TRABD2A: variants seen among roughly 807,000 people sequenced by gnomAD.
TRABD2A encodes the protein metalloprotease TIKI1.
In TRABD2A, 43 loss-of-function variants were observed where a neutral mutation model predicts 45.6. The ratio of observed to expected loss-of-function variants is 0.94; its 90% confidence interval spans 0.74 to 1.22. TRABD2A has a LOEUF of 1.22. Ranked by LOEUF, TRABD2A falls within the 50% of genes most tolerant of loss-of-function variation. The probability of loss-of-function intolerance (pLI) is 0.00; values close to 1 mark genes in which losing one functional copy is unlikely to be tolerated. For synonymous variants in TRABD2A, 269 were observed against 265.0 expected, an observed-to-expected ratio of 1.02 and a Z score of -0.15; for missense variants, 642 against 652.4, an observed-to-expected ratio of 0.98 and a Z score of 0.17.
intron 1 of TRABD2A, among the ~76,000 whole-genome samples, chr2:84,877,746 A>G (rs1192545871): frequency 6.6e-6 from 1 of 152,220 alleles, no homozygotes. Context: ...TGACAACTGC[A>G]TATTGCAAGC....
intron 5 of TRABD2A, among the ~76,000 whole-genome samples, chr2:84,827,368 G>A (rs1485782292): frequency 6.6e-6 from 1 of 152,204 alleles, no homozygotes; most frequent in Non-Finnish European, 1.5e-5. Flanking sequence ...CTGAGCCTCT[G>A]CCCCTTGCAT....
rs1407974737 is a variant in TRABD2A, at chr2:84,880,963, GGCGCCCC to G, written c.70_76del (p.Gly24ProfsTer15). Reference sequence around the variant, plus strand: ...CTTGAGCTCGCAGTTGGCGGTGCCGGGCGCCCCGCGCCGCGAAGCTGCGCCCGTGGGC... The same window carrying G: ...CTTGAGCTCGCAGTTGGCGGTGCCGGGCGCCGCGAAGCTGCGCCCGTGGGC... On this transcript the variant is annotated frameshift_variant, in exon 1 of 7. Coordinates refer to ENST00000409520, the MANE Select transcript of TRABD2A (RefSeq NM_001277053.2). LOFTEE classifies it high-confidence loss of function. 6.7e-5 allele frequency: 107 copies of G among 1,600,056 alleles called. 1 individual carries two copies. In the Admixed American group the frequency reaches 1.6e-3, roughly 24 times the overall value.
intron 2 of TRABD2A, among the ~76,000 whole-genome samples, chr2:84,845,950 CT>C (rs113239657): frequency 3.9e-4 from 59 of 152,164 alleles, no homozygotes; most frequent in African/African-American, 1.3e-3. Context: ...GAAAGGAGGT[CT>C]AGTGTATCAT....
At chr2:84,829,785 C>T (rs907269397) in intron 5 of TRABD2A, among the ~76,000 whole-genome samples, 23 of 151,266 alleles carry the variant, frequency 1.5e-4, no homozygotes, top group Non-Finnish European at 2.4e-4. Flanking sequence ...ACACCACACA[C>T]ACCCCACATA....
chr2:84,872,114 G>C (rs1682886519), intron 1 of TRABD2A, among the ~76,000 whole-genome samples: 1 of 152,180 alleles, frequency 6.6e-6, no homozygotes, highest in African/African-American at 2.4e-5. Context: ...GTACAAAGAA[G>C]TGCAGTGCTC....
chr2:84,844,296 G>A (rs749220352), intron 2 of TRABD2A, among the ~76,000 whole-genome samples: 3 of 152,172 alleles, frequency 2.0e-5, no homozygotes, highest in South Asian at 2.1e-4. Flanking sequence ...TGCCGTTCTC[G>A]TGATAGTGAA....
chr2:84,855,058 A>G (rs914070904), intron 2 of TRABD2A, among the ~76,000 whole-genome samples: 2 of 151,934 alleles, frequency 1.3e-5, no homozygotes, highest in African/African-American at 2.4e-5. Flanking sequence ...TGCCAGTTAC[A>G]CCTGAGTGGA....
At chr2:84,822,858 G>A (rs1192352) in intron 6 of TRABD2A, among the ~76,000 whole-genome samples, 18,133 of 152,098 alleles carry the variant, frequency 0.12, 1,121 homozygotes, top group Non-Finnish European at 0.13. Flanking sequence ...ACTTCCCTCC[G>A]TGTTTACCTC....
chr2:84,823,663 G>A (rs1681058784), intron 6 of TRABD2A, among the ~76,000 whole-genome samples: 1 of 152,210 alleles, frequency 6.6e-6, no homozygotes, highest in Non-Finnish European at 1.5e-5. Flanking sequence ...GAAATATCTA[G>A]TTCTTTGCAA....
intron 4 of TRABD2A, chr2:84,835,966 A>T (rs1681495075): frequency 6.6e-6 from 1 of 152,210 alleles, no homozygotes. Flanking sequence ...CCACAGCAAA[A>T]CATTAAACAG....
At chr2:84,846,882 T>C (rs1420674831) in intron 2 of TRABD2A, among the ~76,000 whole-genome samples, 1 of 152,220 alleles carries the variant, frequency 6.6e-6, no homozygotes, top group Non-Finnish European at 1.5e-5. Context: ...TCAAGGTGCC[T>C]GTTCGCACAC....
In TRABD2A at chr2:84,870,684, G is replaced by T. The variant is rs1022155875; in HGVS notation, c.210C>A (p.Ile70=). The change falls in exon 2 of 7, where the codon ATC becomes ATA. Residue 70 remains isoleucine, a synonymous_variant. Transcript: ENST00000409520. ...HVPYTRVWDF[I]PDNSKEAFLQ... is the part of the protein sequence containing the mutation. ...GGAAAGCCTCCTTAGAGTTGTCGGG[G>T]ATGAAGTCCCAAACTCGGGTGTACG... is the stretch of plus-strand genomic sequence containing the variant. The T allele has an allele frequency of 6.2e-7, 1 of 1,607,314 alleles. No homozygotes were observed. Among genetic ancestry groups the T allele is most frequent in the Non-Finnish European group, 8.5e-7 (1 of 1,176,788 alleles).
At chr2:84,856,345 T>C (rs1279070287) in intron 2 of TRABD2A, among the ~76,000 whole-genome samples, 6 of 152,174 alleles carry the variant, frequency 3.9e-5, no homozygotes, top group Non-Finnish European at 8.8e-5. Context: ...GACTATTCCC[T>C]TGGAAGAGTC....
intron 5 of TRABD2A, among the ~76,000 whole-genome samples, chr2:84,829,184 G>C (rs1341547910): frequency 1.3e-5 from 2 of 152,052 alleles, no homozygotes; most frequent in Non-Finnish European, 2.9e-5. Context: ...GCTACCACCT[G>C]ATGATCCACC....
intron 2 of TRABD2A, among the ~76,000 whole-genome samples, 199 bp downstream of exon 2, chr2:84,870,025 AC>A (rs1380090590): frequency 1.3e-5 from 2 of 152,024 alleles, no homozygotes; most frequent in Non-Finnish European, 2.9e-5. Flanking sequence ...TAAGAAAAAA[AC>A]AAGTTTTTTT....
intron 1 of TRABD2A, among the ~76,000 whole-genome samples, chr2:84,878,750 T>C (rs1683110724): frequency 6.6e-6 from 1 of 152,140 alleles, no homozygotes. Context: ...TGCACTGGAT[T>C]GGAGGCTGGA....
chr2:84,855,419 C>T (rs1443300784), intron 2 of TRABD2A, among the ~76,000 whole-genome samples: 1 of 151,956 alleles, frequency 6.6e-6, no homozygotes, highest in African/African-American at 2.4e-5. Context: ...TAGTGCTTGC[C>T]GAACATTATA....
chr2:84,869,431 C>T (rs1157944057), intron 2 of TRABD2A, among the ~76,000 whole-genome samples: 1 of 152,152 alleles, frequency 6.6e-6, no homozygotes, highest in Non-Finnish European at 1.5e-5. Flanking sequence ...AAATTAAATT[C>T]CAATGCCCTG....
intron 2 of TRABD2A, among the ~76,000 whole-genome samples, chr2:84,866,028 A>G (rs1682667742): frequency 6.6e-6 from 1 of 152,236 alleles, no homozygotes; most frequent in South Asian, 2.1e-4. Context: ...CTGCCCTGAG[A>G]TGACAAGATC....
Sources: gnomAD v4.1 joint callset for allele counts (sites outside exome capture counted in the v4.1 genomes callset) on GRCh38, gnomAD v4.1.1 for gene constraint, MANE v1.5 for transcripts, NCBI Gene and HGNC (gene_info 2026-07-23, HGNC 2026-07-21) for gene names.